Variants in CHST8 observed in about 807,000 individuals in gnomAD.
The protein encoded by CHST8 is carbohydrate sulfotransferase 8.
CHST8 carries 10 observed loss-of-function variants against 15.0 expected under a neutral mutation model. The ratio of observed to expected loss-of-function variants is 0.67; its 90% CI spans 0.41 to 1.13. The LOEUF is 1.13. CHST8 is among the 50% of genes most tolerant of loss of function. The pLI is 0.00. For missense variants in CHST8, 634 were observed against 608.2 expected (o/e 1.04, Z -0.45); for synonymous variants, 259 against 256.6 (o/e 1.01, Z -0.09).
chr19:33,735,493 GAC>G (rs1333774887), intron 3 of CHST8, among the ~76,000 whole-genome samples: 1 of 152,072 alleles, frequency 6.6e-6, no homozygotes, highest in Non-Finnish European at 1.5e-5. Context: ...GACACACGCA[GAC>G]ACACACACAC....
At chr19:33,631,201 C>A (rs1972117393) in intron 1 of CHST8, among the ~76,000 whole-genome samples, 1 of 152,208 alleles carries the variant, frequency 6.6e-6, no homozygotes, top group Non-Finnish European at 1.5e-5. Context: ...CTTGCTGAGG[C>A]CAGAGCTCTT....
chr19:33,700,846 T>A (rs1451990647), intron 3 of CHST8, among the ~76,000 whole-genome samples: 1 of 152,166 alleles, frequency 6.6e-6, no homozygotes, highest in African/African-American at 2.4e-5. Flanking sequence ...GGGGTATGGT[T>A]CACATAGATT....
chr19:33,622,494 GC>G (rs1038467138), intron 1 of CHST8, among the ~76,000 whole-genome samples, 198 bp downstream of exon 1: 59 of 152,216 alleles, frequency 3.9e-4, no homozygotes, highest in African/African-American at 1.4e-3. Context: ...TTGGGGACCG[GC>G]CCCGGTAGCG....
chr19:33,643,135 G>A lies in CHST8; in HGVS notation c.-164+20839G>A, dbSNP rs147156267. Among the ~76,000 whole-genome samples the A allele has an allele frequency of 4.6e-3, 698 of 152,278 alleles. 3 individuals are homozygous for A. Among genetic ancestry groups the A allele is most frequent in the African/African-American group, 0.016 (646 of 41,544 alleles). On this transcript the variant is annotated intron_variant, in intron 1 of 4. Transcript: ENST00000650847. ...AATAGTTGTCTCAAAGGGTATGCCC[G>A]TCTTTAAAACTTTTAGTACTTCCCA... is the stretch of plus-strand genomic sequence containing the variant.
chr19:33,676,572 T>TATA (rs60796328), intron 2 of CHST8, among the ~76,000 whole-genome samples: 13,652 of 150,772 alleles, frequency 0.091, 1,108 homozygotes, highest in African/African-American at 0.21. Context: ...TCCATCTCAA[T>TATA]ATAATAATAA....
chr19:33,637,984 G>C (rs1210191503), intron 1 of CHST8, among the ~76,000 whole-genome samples: 1 of 151,828 alleles, frequency 6.6e-6, no homozygotes, highest in East Asian at 2.0e-4. Flanking sequence ...AGGAAATAAA[G>C]GCTGCGCCCA....
intron 2 of CHST8, among the ~76,000 whole-genome samples, chr19:33,682,553 C>T (rs1468542532): frequency 6.6e-6 from 1 of 152,226 alleles, no homozygotes; most frequent in Non-Finnish European, 1.5e-5. Context: ...CATTAAACAA[C>T]TCCCTGTTCC....
intron 3 of CHST8, among the ~76,000 whole-genome samples, chr19:33,749,552 A>G (rs981517829): frequency 4.0e-5 from 6 of 151,382 alleles, no homozygotes; most frequent in Admixed American, 1.3e-4. Flanking sequence ...GTGGGTGCTC[A>G]ATGAACCCCA....
intron 3 of CHST8, among the ~76,000 whole-genome samples, chr19:33,732,091 G>C (rs77426602): frequency 6.6e-6 from 1 of 152,124 alleles, no homozygotes; most frequent in Non-Finnish European, 1.5e-5. Flanking sequence ...GCTGCATACC[G>C]ACTGTGCTCT....
chr19:33,705,374 G>A (rs1363006684), intron 3 of CHST8, among the ~76,000 whole-genome samples: 1 of 152,220 alleles, frequency 6.6e-6, no homozygotes, highest in African/African-American at 2.4e-5. Context: ...GTCAGGCAGG[G>A]GACCTGAGGG....
intron 3 of CHST8, among the ~76,000 whole-genome samples, chr19:33,737,071 A>G (rs1277413226): frequency 3.9e-5 from 6 of 152,152 alleles, no homozygotes; most frequent in Admixed American, 2.0e-4. Flanking sequence ...AAGTTATCCT[A>G]TATGGTTTAA....
chr19:33,741,324 T>A (rs1974188593), intron 3 of CHST8, among the ~76,000 whole-genome samples: 1 of 152,232 alleles, frequency 6.6e-6, no homozygotes, highest in Non-Finnish European at 1.5e-5. Context: ...AGGCAGCGAT[T>A]TGCACTCAGG....
At chr19:33,750,922 C>A (rs528690662) in intron 3 of CHST8, among the ~76,000 whole-genome samples, 7 of 150,754 alleles carry the variant, frequency 4.6e-5, no homozygotes, top group South Asian at 2.1e-4. Flanking sequence ...AGCCCTGCAA[C>A]CCTCCCAGCC....
chr19:33,694,113 T>TATATATAA (rs1456918701), intron 3 of CHST8, among the ~76,000 whole-genome samples: 1 of 75,164 alleles, frequency 1.3e-5, no homozygotes, highest in Non-Finnish European at 2.7e-5. Flanking sequence ...TATATATATA[T>TATATATAA]ATATATATAT....
At chr19:33,771,314 C>T in intron 3 of CHST8, 99 bp from the exon 4 acceptor site, 1 of 1,223,068 alleles carries the variant, frequency 8.2e-7, no homozygotes, top group Non-Finnish European at 1.2e-6. Flanking sequence ...CCCAAGATCC[C>T]TCCAGCCTGG....
intron 1 of CHST8, among the ~76,000 whole-genome samples, chr19:33,622,887 G>A (rs1972003729): frequency 6.6e-6 from 1 of 152,164 alleles, no homozygotes; most frequent in Non-Finnish European, 1.5e-5. Flanking sequence ...TGGTGTGAAG[G>A]TGTGTGCGTG....
At chr19:33,652,077 A>C (rs535377759) in intron 1 of CHST8, among the ~76,000 whole-genome samples, 1 of 152,208 alleles carries the variant, frequency 6.6e-6, no homozygotes, top group African/African-American at 2.4e-5. Context: ...ATTTTTTTGT[A>C]AAGCAATGTT....
rs770935371 is a variant in CHST8, at chr19:33,643,683, C to A, written c.-164+21387C>A. Among the ~76,000 whole-genome samples, 3 of 152,184 alleles carry A rather than the reference C, an allele frequency of 2.0e-5. No homozygotes were observed. The South Asian group carries it at 6.2e-4, about 32-fold the overall frequency. On this transcript the variant is annotated intron_variant, in intron 1 of 4. Transcript: ENST00000650847. ...TCTGTTCTAGCCTGACTCTTCTAGT[C>A]CCAGCACCCACGATTTTAATTATCG...
intron 3 of CHST8, among the ~76,000 whole-genome samples, chr19:33,755,431 C>T (rs775311057): frequency 1.3e-5 from 2 of 152,194 alleles, no homozygotes; most frequent in Non-Finnish European, 2.9e-5. Context: ...GAAGGAATGA[C>T]GTTTAATCCT....
Sources: allele counts gnomAD v4.1 joint callset (sites outside exome capture counted in the v4.1 genomes callset), GRCh38; gene constraint gnomAD v4.1.1; transcripts MANE v1.5; gene names NCBI Gene and HGNC (gene_info 2026-07-23, HGNC 2026-07-21).